PRICKLE2: variants seen among roughly 807,000 people sequenced by gnomAD.
PRICKLE2 encodes prickle planar cell polarity protein 2.
In PRICKLE2, 21 loss-of-function variants were observed where a neutral mutation model predicts 81.4. The observed-to-expected ratio is 0.26, with a 90% CI of 0.18 to 0.37. The LOEUF is 0.37. PRICKLE2 is among the 10% of genes least tolerant of loss of function. PRICKLE2 has a pLI of 1.00. For synonymous variants in PRICKLE2, 456 were observed against 421.5 expected (o/e 1.08, Z -1.00); for missense variants, 940 against 1,109.0 (o/e 0.85, Z 2.16).
At chr3:64,205,121 C>T (rs992240247) in intron 1 of PRICKLE2, among the ~76,000 whole-genome samples, 34 of 140,642 alleles carry the variant, frequency 2.4e-4, no homozygotes, top group African/African-American at 8.3e-4. Context: ...AAAAAACATA[C>T]AAAGGGTGCA....
chr3:64,199,888 T>G (rs1201111173), intron 1 of PRICKLE2: 3 of 152,208 alleles, frequency 2.0e-5, no homozygotes, highest in Non-Finnish European at 4.4e-5. Context: ...CTTTTTAAAA[T>G]TATTAGTTTC....
At chr3:64,119,965 G>A (rs1417192477) in intron 7 of PRICKLE2, among the ~76,000 whole-genome samples, 1 of 152,120 alleles carries the variant, frequency 6.6e-6, no homozygotes, top group Non-Finnish European at 1.5e-5. Flanking sequence ...AACAAAAAAC[G>A]AATTACCACA....
In PRICKLE2 at chr3:64,147,007, G is replaced by A; in HGVS notation, c.1483C>T (p.Arg495Ter). 6.2e-7 allele frequency: 1 copy of A among 1,613,974 alleles called. No homozygotes were observed. The highest frequency in any genetic ancestry group is 8.5e-7 in the Non-Finnish European group (1 of 1,180,008). The change falls in exon 7 of 8, where the codon CGA becomes TGA. Residue 495 changes from arginine (R) to a stop codon, truncating the protein, a stop_gained. Coordinates refer to ENST00000638394, the MANE Select transcript of PRICKLE2 (RefSeq NM_198859.4). LOFTEE classifies it high-confidence loss of function. This position sits in a 1 kb window ranked among gnomAD's most constrained non-coding sequence, Gnocchi z 5.0. ...DMSSQSFSET[R>*]GSIQVPKYEE... ...TATTTGGGGACTTGGATGCTGCCTCGGGTCTCACTGAAACTCTGACTAGAC... is the reference window on the plus strand; with the variant it reads ...TATTTGGGGACTTGGATGCTGCCTCAGGTCTCACTGAAACTCTGACTAGAC...
intron 7 of PRICKLE2, among the ~76,000 whole-genome samples, chr3:64,110,285 C>T (rs1450825841): frequency 6.6e-6 from 1 of 152,204 alleles, no homozygotes; most frequent in East Asian, 1.9e-4. Flanking sequence ...TTGGGAAACA[C>T]TTGACTACAG....
intron 2 of PRICKLE2, among the ~76,000 whole-genome samples, chr3:64,242,150 C>T (rs909980126): frequency 3.3e-5 from 5 of 152,180 alleles, no homozygotes; most frequent in Admixed American, 3.3e-4. Context: ...CCACCTTCAT[C>T]CCGCTTTTCT....
upstream of PRICKLE2, among the ~76,000 whole-genome samples, chr3:64,226,030 G>GT (rs1430293102): frequency 1.3e-5 from 2 of 152,016 alleles, no homozygotes; most frequent in African/African-American, 2.4e-5. Context: ...TGGGTGGTGA[G>GT]TCAGTCAGCT....
At chr3:64,225,581 C>T (rs995828347), upstream of PRICKLE2, 5 of 400,890 alleles carry the variant, frequency 1.2e-5, no homozygotes, top group Non-Finnish European at 1.4e-5. Context: ...ATTAGCCTTG[C>T]CTTCCAAATC....
At chr3:64,146,425 G>T (rs1326665671) in intron 7 of PRICKLE2, 2 of 238,994 alleles carry the variant, frequency 8.4e-6, no homozygotes, top group Non-Finnish European at 1.7e-5. Context: ...TTAGAAGAGG[G>T]CACGTGGCAG....
chr3:64,208,373 C>T (rs1399853814), intron 1 of PRICKLE2, among the ~76,000 whole-genome samples: 2 of 152,184 alleles, frequency 1.3e-5, no homozygotes, highest in Admixed American at 6.5e-5. Flanking sequence ...TCATGTGACC[C>T]CCACACAGGG....
intron 2 of PRICKLE2, among the ~76,000 whole-genome samples, chr3:64,240,398 T>C (rs115969404): frequency 1.1e-3 from 169 of 152,332 alleles, no homozygotes; most frequent in Middle Eastern, 6.8e-3. Flanking sequence ...ATATTTTATA[T>C]ATAGCTAATG....
intron 2 of PRICKLE2, among the ~76,000 whole-genome samples, chr3:64,256,262 C>T (rs1241016040): frequency 2.6e-5 from 4 of 152,132 alleles, no homozygotes; most frequent in Non-Finnish European, 5.9e-5. Flanking sequence ...TAAATATTTG[C>T]AATCAATTTG....
At chr3:64,210,921 A>G (rs1053495454) in intron 1 of PRICKLE2, among the ~76,000 whole-genome samples, 1 of 152,226 alleles carries the variant, frequency 6.6e-6, no homozygotes, top group Non-Finnish European at 1.5e-5. Flanking sequence ...AAGGCCTGAC[A>G]GGGAACAGAA....
At chr3:64,163,912 T>C (rs1254232752) in intron 2 of PRICKLE2, 3 of 133,320 alleles carry the variant, frequency 2.3e-5, no homozygotes, top group Non-Finnish European at 4.8e-5. Flanking sequence ...ACAGAAGGTA[T>C]GTTATTATAT....
intron 2 of PRICKLE2, among the ~76,000 whole-genome samples, chr3:64,265,946 A>C (rs142277554): frequency 1.1e-4 from 16 of 152,308 alleles, no homozygotes; most frequent in African/African-American, 3.8e-4. Context: ...CACAGAGGGA[A>C]TGAGAGAGTT....
upstream of PRICKLE2, among the ~76,000 whole-genome samples, chr3:64,228,760 G>A (rs759588104): frequency 3.0e-4 from 45 of 152,114 alleles, no homozygotes; most frequent in African/African-American, 8.9e-4. Context: ...TTTGTGAAGC[G>A]GAGGACACTC....
intron 2 of PRICKLE2, among the ~76,000 whole-genome samples, chr3:64,175,622 G>T (rs1419140013): frequency 1.3e-5 from 2 of 151,972 alleles, no homozygotes; most frequent in African/African-American, 4.8e-5. Context: ...TAGTCATTTT[G>T]TTCATTACAT....
chr3:64,119,057 C>A (rs1254703304), intron 7 of PRICKLE2, among the ~76,000 whole-genome samples: 1 of 152,120 alleles, frequency 6.6e-6, no homozygotes, highest in Non-Finnish European at 1.5e-5. Flanking sequence ...AGAATGAGAT[C>A]ACGTCCCTTA....
intron 7 of PRICKLE2, among the ~76,000 whole-genome samples, chr3:64,106,925 G>A (rs1486615301): frequency 1.3e-5 from 2 of 152,186 alleles, no homozygotes; most frequent in Non-Finnish European, 2.9e-5. Flanking sequence ...TGATGGCAAG[G>A]AGACACAGAT....
intron 1 of PRICKLE2, among the ~76,000 whole-genome samples, 166 bp downstream of exon 1, chr3:64,224,744 T>C (rs1425914717): frequency 1.3e-5 from 2 of 152,114 alleles, no homozygotes; most frequent in East Asian, 1.9e-4. Flanking sequence ...CTAATCAGCA[T>C]AGAAAAGGCA....
Sources: allele counts gnomAD v4.1 joint callset (sites outside exome capture counted in the v4.1 genomes callset), GRCh38; gene constraint gnomAD v4.1.1; non-coding constraint Gnocchi (gnomAD v3.1); transcripts MANE v1.5; gene names NCBI Gene and HGNC (gene_info 2026-07-23, HGNC 2026-07-21).